The following CHRM3 variants were observed in gnomAD, a reference collection of about 807,000 sequenced individuals.
CHRM3 encodes the protein muscarinic acetylcholine receptor M3.
In CHRM3, 11 loss-of-function variants were observed where a neutral mutation model predicts 41.8. The observed-to-expected ratio is 0.26, with a 90% CI of 0.17 to 0.44. The LOEUF (loss-of-function observed/expected upper bound fraction) is 0.44. Among genes scored for constraint, CHRM3 ranks in the 20% least tolerant of loss-of-function variants. The pLI is 1.00. For missense variants in CHRM3, 571 were observed against 745.4 expected (o/e 0.77, Z 2.72); for synonymous variants, 297 against 301.4 (o/e 0.99, Z 0.15).
At chr1:239,641,038 A>G (rs530966774) in intron 4 of CHRM3, among the ~76,000 whole-genome samples, 20 of 152,154 alleles carry the variant, frequency 1.3e-4, no homozygotes, top group Non-Finnish European at 2.5e-4. Flanking sequence ...GTAGTCATTC[A>G]GGAGCAGGTT....
At position 239,595,029 on chromosome 1, in the gene CHRM3, T is replaced by C. The variant is rs184144635; in HGVS notation, c.-312-37195T>C. Among the ~76,000 whole-genome samples, 451 of 152,266 alleles carry C rather than the reference T, an allele frequency of 3.0e-3. 3 individuals carry two copies. Among genetic ancestry groups the C allele is most frequent in the African/African-American group, 9.9e-3 (411 of 41,570 alleles). Reference sequence around the variant, plus strand: ...GCTTGAACCCGGCAGGTGGAGGTTATGGTGAGCCAAGATTGTGCCATTGCA... The same window carrying C: ...GCTTGAACCCGGCAGGTGGAGGTTACGGTGAGCCAAGATTGTGCCATTGCA... On this transcript the variant is annotated intron_variant, in intron 3 of 6. Coordinates refer to ENST00000676153, the MANE Select transcript of CHRM3 (RefSeq NM_001375978.1).
intron 1 of CHRM3, among the ~76,000 whole-genome samples, chr1:239,392,256 C>T (rs911225514): frequency 3.9e-5 from 6 of 152,114 alleles, no homozygotes; most frequent in South Asian, 4.1e-4. Flanking sequence ...TTGTAGTGCC[C>T]GGTTCCACTT....
chr1:239,507,409 C>T (rs1488239418), intron 2 of CHRM3, among the ~76,000 whole-genome samples: 1 of 152,184 alleles, frequency 6.6e-6, no homozygotes, highest in Non-Finnish European at 1.5e-5. Flanking sequence ...TCTTGTCTGC[C>T]ACCATGTGAG....
chr1:239,753,656 A>G (rs1237273873), intron 5 of CHRM3, among the ~76,000 whole-genome samples: 1 of 152,198 alleles, frequency 6.6e-6, no homozygotes, highest in Non-Finnish European at 1.5e-5. Flanking sequence ...GGGTGGAGAC[A>G]GAGAGCCAAA....
In CHRM3 at chr1:239,473,692, G is replaced by T. The variant is rs150292102; in HGVS notation, c.-520-19017G>T. 2.6e-5 allele frequency among the ~76,000 whole-genome samples: 4 copies of T among 152,188 alleles called. No individual in the cohort carries two copies. In the East Asian group the frequency reaches 7.7e-4, roughly 29 times the overall value. ...GCCTTATTACTGTGGAATCCTGTTC[G>T]CTGTGACACCAACTTGGATAAATGT... On this transcript the variant is annotated intron_variant, in intron 1 of 6. Coordinates refer to ENST00000676153, the MANE Select transcript of CHRM3 (RefSeq NM_001375978.1).
At chr1:239,488,451 C>T (rs1325547652) in intron 1 of CHRM3, among the ~76,000 whole-genome samples, 2 of 151,968 alleles carry the variant, frequency 1.3e-5, no homozygotes, top group Admixed American at 1.3e-4. Context: ...GCGGGTGGCA[C>T]AGGCCTGTAA....
At chr1:239,532,009 CTTTTTTTTTT>C (rs34798101) in intron 2 of CHRM3, among the ~76,000 whole-genome samples, 2 of 76,292 alleles carry the variant, frequency 2.6e-5, no homozygotes, top group South Asian at 6.0e-4. Flanking sequence ...TTCCTTCTTT[CTTTTTTTTTT>C]TTTTTTTTTT....
chr1:239,505,101 G>A (rs1414936371), intron 2 of CHRM3, among the ~76,000 whole-genome samples: 3 of 152,126 alleles, frequency 2.0e-5, no homozygotes, highest in African/African-American at 7.2e-5. Flanking sequence ...CTCTTTATCA[G>A]CTCTGTATTT....
intron 4 of CHRM3, among the ~76,000 whole-genome samples, chr1:239,658,352 A>G (rs1310658903): frequency 6.6e-6 from 1 of 152,240 alleles, no homozygotes; most frequent in African/African-American, 2.4e-5. Flanking sequence ...TGTGATGGAA[A>G]ATATCCTGAG....
At chr1:239,413,853 A>C (rs1420436406) in intron 1 of CHRM3, among the ~76,000 whole-genome samples, 1 of 152,240 alleles carries the variant, frequency 6.6e-6, no homozygotes, top group Non-Finnish European at 1.5e-5. Flanking sequence ...TTTTTTAAAC[A>C]AACAGCTAAA....
intron 2 of CHRM3, among the ~76,000 whole-genome samples, chr1:239,500,322 T>C (rs1668145867): frequency 6.6e-6 from 1 of 152,014 alleles, no homozygotes; most frequent in African/African-American, 2.4e-5. Context: ...TGCAGGGACG[T>C]GGATGAAGTT....
chr1:239,752,464 C>A (rs1048696609), intron 5 of CHRM3, among the ~76,000 whole-genome samples: 1 of 152,066 alleles, frequency 6.6e-6, no homozygotes, highest in African/African-American at 2.4e-5. Flanking sequence ...TGATTTTTTT[C>A]TCTTATTAAA....
At chr1:239,665,425 C>T (rs186189050) in intron 4 of CHRM3, among the ~76,000 whole-genome samples, 94 of 152,188 alleles carry the variant, frequency 6.2e-4, no homozygotes, top group Non-Finnish European at 1.2e-3. Flanking sequence ...ATCAGTGAAC[C>T]CTTCTCCTTT....
Position 239,648,451 on chromosome 1 carries a change from G to T in CHRM3, c.-250+16165G>T, listed in dbSNP as rs1671935264. Among the ~76,000 whole-genome samples the T allele has an allele frequency of 3.3e-5, 5 of 152,138 alleles. No homozygotes were observed. In the South Asian group the frequency reaches 1.0e-3, roughly 32 times the overall value. On this transcript the variant is annotated intron_variant, in intron 4 of 6. Transcript: ENST00000676153. Reference sequence around the variant, plus strand: ...GATCTGTAGGTGGTTTTGAGAGGAAGTATAACAAGAGAGTGTGGACAACAC... The same window carrying T: ...GATCTGTAGGTGGTTTTGAGAGGAATTATAACAAGAGAGTGTGGACAACAC...
intron 2 of CHRM3, among the ~76,000 whole-genome samples, chr1:239,516,728 G>A (rs775962871): frequency 1.8e-4 from 27 of 152,214 alleles, no homozygotes; most frequent in Non-Finnish European, 2.9e-4. Context: ...GAACCAGGCC[G>A]CACAGCGGGA....
At chr1:239,718,402 G>A (rs1186691286) in intron 5 of CHRM3, among the ~76,000 whole-genome samples, 2 of 151,992 alleles carry the variant, frequency 1.3e-5, no homozygotes, top group Admixed American at 1.3e-4. Context: ...GCATCTTAGA[G>A]TCAGATACTG....
At chr1:239,609,891 T>C (rs1461896410) in intron 3 of CHRM3, among the ~76,000 whole-genome samples, 3 of 152,048 alleles carry the variant, frequency 2.0e-5, no homozygotes, top group African/African-American at 7.2e-5. Flanking sequence ...GCCATGTAAA[T>C]ATATGTTAAA....
chr1:239,875,914 A>G (rs1370296759), intron 6 of CHRM3, among the ~76,000 whole-genome samples: 1 of 152,166 alleles, frequency 6.6e-6, no homozygotes, highest in Non-Finnish European at 1.5e-5. Context: ...ACTTATTGCC[A>G]CTCCAGCTTC....
At chr1:239,488,211 C>T (rs58532785) in intron 1 of CHRM3, among the ~76,000 whole-genome samples, 4,150 of 152,186 alleles carry the variant, frequency 0.027, 82 homozygotes, top group Non-Finnish European at 0.042. Flanking sequence ...AAGAATCTAC[C>T]AACATACATA....
Sources: gnomAD v4.1 joint callset for allele counts (sites outside exome capture counted in the v4.1 genomes callset) on GRCh38, gnomAD v4.1.1 for gene constraint, MANE v1.5 for transcripts, NCBI Gene and HGNC (gene_info 2026-07-23, HGNC 2026-07-21) for gene names.